Variants in THEMIS observed in about 807,000 individuals in gnomAD.
THEMIS encodes the protein thymocyte selection associated, also known as protein THEMIS.
In THEMIS, 37 loss-of-function variants were observed where a neutral mutation model predicts 52.6. The observed-to-expected ratio is 0.70, with a 90% confidence interval of 0.54 to 0.93. THEMIS has a LOEUF of 0.93. Ranked by LOEUF, THEMIS falls within the 40% of genes least tolerant of loss-of-function variation. THEMIS has a pLI of 0.00. For synonymous variants in THEMIS, 292 were observed against 272.7 expected (o/e 1.07, Z -0.70); for missense variants, 808 against 763.1 (o/e 1.06, Z -0.69).
At chr6:127,733,164 G>A (rs1018943997) in intron 4 of THEMIS, among the ~76,000 whole-genome samples, 2 of 152,130 alleles carry the variant, frequency 1.3e-5, no homozygotes, top group Non-Finnish European at 2.9e-5. Context: ...AACTATTTGA[G>A]TTTTTGCCCA....
chr6:127,828,465 T>C (rs1483062636), intron 3 of THEMIS, among the ~76,000 whole-genome samples: 5 of 152,062 alleles, frequency 3.3e-5, no homozygotes, highest in Non-Finnish European at 7.4e-5. Context: ...GTTTAAATGG[T>C]GCACTGAAAA....
intron 1 of THEMIS, among the ~76,000 whole-genome samples, chr6:127,870,066 G>T (rs1456850229): frequency 6.6e-6 from 1 of 152,162 alleles, no homozygotes; most frequent in East Asian, 1.9e-4. Context: ...CCCAACCCCT[G>T]TCAGGGAAAT....
At chr6:127,762,882 A>G (rs1425554234) in intron 4 of THEMIS, among the ~76,000 whole-genome samples, 3 of 152,092 alleles carry the variant, frequency 2.0e-5, no homozygotes, top group Non-Finnish European at 4.4e-5. Context: ...GAAGTAATAC[A>G]TTCAGTGTTG....
intron 5 of THEMIS, among the ~76,000 whole-genome samples, chr6:127,714,262 T>G (rs1042343765): frequency 1.3e-5 from 2 of 151,968 alleles, no homozygotes; most frequent in African/African-American, 2.4e-5. Flanking sequence ...AGTAAATATC[T>G]GTTACCATTA....
chr6:127,773,976 G>T (rs191493989), intron 4 of THEMIS, among the ~76,000 whole-genome samples: 67 of 152,188 alleles, frequency 4.4e-4, no homozygotes, highest in African/African-American at 1.5e-3. Flanking sequence ...GAATCAACTA[G>T]GCCCAACTCC....
chr6:127,756,992 T>C (rs758164747), intron 4 of THEMIS, among the ~76,000 whole-genome samples: 89 of 152,292 alleles, frequency 5.8e-4, no homozygotes, highest in Non-Finnish European at 1.0e-3. Context: ...ATATCTGTAC[T>C]TCAAGTAAAA....
chr6:127,725,715 T>C (rs959266699), intron 4 of THEMIS, among the ~76,000 whole-genome samples: 1 of 152,128 alleles, frequency 6.6e-6, no homozygotes, highest in Non-Finnish European at 1.5e-5. Context: ...GATCCATACA[T>C]ACTCAAACTG....
intron 1 of THEMIS, among the ~76,000 whole-genome samples, chr6:127,872,253 A>T (rs575610500): frequency 5.1e-4 from 78 of 152,260 alleles, no homozygotes; most frequent in Admixed American, 2.3e-3. Context: ...TCATTTAACA[A>T]AATTTTACAC....
At chr6:127,786,731 T>C (rs993512258) in intron 4 of THEMIS, among the ~76,000 whole-genome samples, 1 of 152,292 alleles carries the variant, frequency 6.6e-6, no homozygotes, top group South Asian at 2.1e-4. Context: ...ATAAAGGCAA[T>C]GACCACTAGC....
intron 4 of THEMIS, among the ~76,000 whole-genome samples, chr6:127,761,122 C>T (rs1384766705): frequency 2.0e-5 from 3 of 151,992 alleles, no homozygotes; most frequent in Non-Finnish European, 4.4e-5. Flanking sequence ...CCCAAGAAAA[C>T]ATACAAGGAA....
chr6:127,773,983 C>T lies in THEMIS; in HGVS notation c.1758+38900G>A, dbSNP rs143470384. Among the ~76,000 whole-genome samples the T allele has an allele frequency of 1.1e-3, 171 of 152,302 alleles. 1 individual carries two copies. Among genetic ancestry groups the T allele is most frequent in the African/African-American group, 3.9e-3 (161 of 41,574 alleles). ...CATTCTGTGAATCAACTAGGCCCAA[C>T]TCCATGTGATGCCAACTGGGTCTGC... On this transcript the variant is annotated intron_variant, in intron 4 of 5. Transcript: ENST00000368248.
intron 4 of THEMIS, among the ~76,000 whole-genome samples, chr6:127,745,947 A>T (rs540621051): frequency 1.6e-4 from 25 of 151,982 alleles, no homozygotes; most frequent in African/African-American, 6.0e-4. Context: ...GTTTAAACCT[A>T]TTCTCCTTGA....
chr6:127,835,498 G>C (rs182283495), intron 2 of THEMIS, among the ~76,000 whole-genome samples: 1 of 152,174 alleles, frequency 6.6e-6, no homozygotes, highest in Admixed American at 6.5e-5. Context: ...GCTAATACAG[G>C]TAACATGATT....
chr6:127,751,867 A>G (rs1775654899), intron 4 of THEMIS, among the ~76,000 whole-genome samples: 1 of 151,680 alleles, frequency 6.6e-6, no homozygotes, highest in Non-Finnish European at 1.5e-5. Flanking sequence ...AATATTCAGA[A>G]CCTTCCATCC....
Position 127,813,501 on chromosome 6 carries a change from C to G in THEMIS, c.1140G>C (p.Leu380=). 1 of 1,613,966 alleles carries G rather than the reference C, an allele frequency of 6.2e-7. No homozygotes were observed. ...TKAFHSPHDK[L]SSVSVGDQFL... ...ACTGGTCCCCAACAGATACGGATGACAGCTTGTCATGAGGGGAATGAAACG... is the reference window on the plus strand; with the variant it reads ...ACTGGTCCCCAACAGATACGGATGAGAGCTTGTCATGAGGGGAATGAAACG... The change falls in exon 4 of 6, where the codon CTG becomes CTC. Residue 380 remains leucine, a synonymous_variant. Transcript: ENST00000368248.
Position 127,845,098 on chromosome 6 carries a change from C to T in THEMIS, c.250+9932G>A, listed in dbSNP as rs189293745. Among the ~76,000 whole-genome samples, 54 of 150,422 alleles carry T rather than the reference C, an allele frequency of 3.6e-4. 1 individual carries two copies. The highest frequency in any genetic ancestry group is 3.4e-3 in the Admixed American group (51 of 15,072). Reference sequence around the variant, plus strand: ...GTATATCCCCTGAAAGTGTGCTTGTCAAACTCTGCAAATCTTTACCCTCTT... The same window carrying T: ...GTATATCCCCTGAAAGTGTGCTTGTTAAACTCTGCAAATCTTTACCCTCTT... On this transcript the variant is annotated intron_variant, in intron 2 of 5. Coordinates refer to ENST00000368248, the MANE Select transcript of THEMIS (RefSeq NM_001010923.3).
chr6:127,750,455 C>T (rs756679038), intron 4 of THEMIS, among the ~76,000 whole-genome samples: 2 of 151,828 alleles, frequency 1.3e-5, no homozygotes, highest in Admixed American at 1.3e-4. Flanking sequence ...CACGAACCAA[C>T]TCACTAATTA....
At chr6:127,767,700 G>T (rs963457426) in intron 4 of THEMIS, among the ~76,000 whole-genome samples, 8 of 151,952 alleles carry the variant, frequency 5.3e-5, no homozygotes, top group African/African-American at 1.7e-4. Flanking sequence ...ATATACTCTA[G>T]AATAATGATA....
intron 4 of THEMIS, among the ~76,000 whole-genome samples, chr6:127,749,649 A>G (rs1170140945): frequency 6.6e-6 from 1 of 151,838 alleles, no homozygotes; most frequent in African/African-American, 2.4e-5. Flanking sequence ...AAAGGTGGTG[A>G]AGACCCCAAT....
Sources: allele counts gnomAD v4.1 joint callset (sites outside exome capture counted in the v4.1 genomes callset), GRCh38; gene constraint gnomAD v4.1.1; transcripts MANE v1.5; gene names NCBI Gene and HGNC (gene_info 2026-07-23, HGNC 2026-07-21).